The following EXTL3 variants were observed in gnomAD, a reference collection of about 807,000 sequenced individuals.
EXTL3 encodes the protein exostosin-like 3.
In EXTL3, 27 loss-of-function variants were observed where a neutral mutation model predicts 69.3. The observed-to-expected ratio is 0.39, with a 90% CI of 0.29 to 0.54. The LOEUF (loss-of-function observed/expected upper bound fraction) is 0.54, where lower values mean the gene tolerates loss of function less well. Ranked by LOEUF, EXTL3 falls within the 20% of genes least tolerant of loss-of-function variation. The pLI is 0.69. For synonymous variants in EXTL3, 511 were observed against 499.4 expected (o/e 1.02, Z -0.31); for missense variants, 1,003 against 1,231.8 (o/e 0.81, Z 2.78).
chr8:28,668,053 A>G (rs1414032097), intron 1 of EXTL3, among the ~76,000 whole-genome samples: 1 of 151,926 alleles, frequency 6.6e-6, no homozygotes, highest in Admixed American at 6.6e-5. Flanking sequence ...TCTTGAGTCC[A>G]GGAGTTCAAG....
At position 28,648,642 on chromosome 8, in the gene EXTL3, C is replaced by T. The variant is rs576085361; in HGVS notation, c.-53+25832C>T. 7.2e-5 allele frequency among the ~76,000 whole-genome samples: 11 copies of T among 152,260 alleles called. No individual in the cohort carries two copies. The East Asian group carries it at 2.1e-3, about 29-fold the overall frequency. On this transcript the variant is annotated intron_variant, in intron 1 of 6. Coordinates refer to the EXTL3 transcript ENST00000523149. ...CTCTCCTCCCTCCCTCCCTCCCTTC[C>T]AGAGGCCACTACTGTCCTGAGTGAG...
Position 28,623,497 on chromosome 8 carries a change from C to A in EXTL3, c.-53+687C>A, listed in dbSNP as rs1487115507. On this transcript the variant is annotated intron_variant, in intron 1 of 6. Coordinates refer to the EXTL3 transcript ENST00000523149. This position sits in a 1 kb window ranked among gnomAD's most constrained non-coding sequence, Gnocchi z 4.2. ...GCTGAGTTTTGTTGGTGTTTGTCCT[C>A]AGCCTGTTTCTGGGTCACCCTGCAG... is the stretch of plus-strand genomic sequence containing the variant. Among the ~76,000 whole-genome samples the A allele has an allele frequency of 6.6e-6, 1 of 152,184 alleles. No individual in the cohort carries two copies. Among genetic ancestry groups the A allele is most frequent in the Non-Finnish European group, 1.5e-5 (1 of 68,030 alleles).
chr8:28,630,836 A>G (rs1406132190), intron 1 of EXTL3, among the ~76,000 whole-genome samples: 1 of 152,258 alleles, frequency 6.6e-6, no homozygotes, highest in African/African-American at 2.4e-5. Context: ...CTGGAAATGC[A>G]TACAGGAAAG....
At chr8:28,619,845 C>CTTTTTTTTT (rs56276866), upstream of EXTL3, among the ~76,000 whole-genome samples, 1 of 50,852 alleles carries the variant, frequency 2.0e-5, no homozygotes, top group Non-Finnish European at 3.8e-5. Flanking sequence ...GCTTCTGGTT[C>CTTTTTTTTT]TTTTTTTTTT....
chr8:28,728,708 A>G (rs1801466447), intron 3 of EXTL3, among the ~76,000 whole-genome samples: 4 of 152,144 alleles, frequency 2.6e-5, no homozygotes, highest in Non-Finnish European at 5.9e-5. Flanking sequence ...CTACATAGCC[A>G]GAACGTGTCT....
chr8:28,626,170 TAAA>T (rs57290264), intron 1 of EXTL3, among the ~76,000 whole-genome samples: 3 of 138,508 alleles, frequency 2.2e-5, no homozygotes, highest in Admixed American at 1.5e-4. Flanking sequence ...AGACCCTGTC[TAAA>T]AAAAAAAAAA....
At chr8:28,673,546 A>G (rs1433902110) in intron 1 of EXTL3, among the ~76,000 whole-genome samples, 1 of 152,156 alleles carries the variant, frequency 6.6e-6, no homozygotes, top group East Asian at 1.9e-4. Context: ...TTGGATGCAG[A>G]CTTAATTATA....
chr8:28,720,694 C>G (rs1437771652), intron 3 of EXTL3, among the ~76,000 whole-genome samples: 1 of 152,076 alleles, frequency 6.6e-6, no homozygotes, highest in Non-Finnish European at 1.5e-5. Flanking sequence ...ACAGGACTTG[C>G]AGAGAGATGG....
At chr8:28,704,154 G>C (rs1391429177) in intron 1 of EXTL3, among the ~76,000 whole-genome samples, 1 of 152,208 alleles carries the variant, frequency 6.6e-6, no homozygotes, top group Non-Finnish European at 1.5e-5. Flanking sequence ...AATAGAAGAG[G>C]ATTGGGGAGA....
intron 1 of EXTL3, among the ~76,000 whole-genome samples, chr8:28,627,488 C>CAAA (rs35382851): frequency 1.1e-5 from 1 of 92,970 alleles, no homozygotes; most frequent in Non-Finnish European, 2.2e-5. Context: ...GACCCTGTCT[C>CAAA]AAAAAAAAAA....
intron 4 of EXTL3, among the ~76,000 whole-genome samples, chr8:28,736,618 T>G (rs1038163942): frequency 2.0e-5 from 3 of 152,346 alleles, no homozygotes; most frequent in African/African-American, 7.2e-5. Flanking sequence ...TCAGCCCTGC[T>G]CAAATTTGGA....
chr8:28,701,871 GGCC>G (rs1434543471), intron 1 of EXTL3, among the ~76,000 whole-genome samples: 1 of 152,108 alleles, frequency 6.6e-6, no homozygotes, highest in Non-Finnish European at 1.5e-5. Context: ...CCCGGGGAGA[GGCC>G]GCCAGGCCCT....
chr8:28,734,147 G>A (rs1419154877), intron 4 of EXTL3, among the ~76,000 whole-genome samples: 2 of 152,120 alleles, frequency 1.3e-5, no homozygotes, highest in African/African-American at 4.8e-5. Context: ...CACGTTATAA[G>A]AGTTCTTTAT....
At chr8:28,692,717 T>C (rs1032122263) in intron 1 of EXTL3, among the ~76,000 whole-genome samples, 2 of 152,230 alleles carry the variant, frequency 1.3e-5, no homozygotes, top group African/African-American at 2.4e-5. Flanking sequence ...CAGTTTTCAG[T>C]TGGAACGCCT....
intron 5 of EXTL3, among the ~76,000 whole-genome samples, chr8:28,739,174 G>T (rs576470875): frequency 6.6e-6 from 1 of 151,992 alleles, no homozygotes; most frequent in African/African-American, 2.4e-5. Flanking sequence ...CATATCTCCC[G>T]TTTGTCCCTC....
intron 1 of EXTL3, among the ~76,000 whole-genome samples, chr8:28,712,099 G>C (rs968071030): frequency 6.6e-6 from 1 of 152,256 alleles, no homozygotes; most frequent in South Asian, 2.1e-4. Context: ...AGAGCATCGG[G>C]GGGTAAGAAA....
At chr8:28,643,606 G>A (rs1806781014) in intron 1 of EXTL3, among the ~76,000 whole-genome samples, 1 of 151,544 alleles carries the variant, frequency 6.6e-6, no homozygotes, top group Non-Finnish European at 1.5e-5. Context: ...TTTTAGTAGA[G>A]ATGGGGTTTC....
Position 28,716,167 on chromosome 8 carries a change from C to T in EXTL3, c.108C>T (p.Leu36=). Residue 36 remains leucine, a synonymous_variant, in exon 3 of 7, where the codon CTC becomes CTT. Transcript: ENST00000220562. This position sits in a 1 kb window ranked among gnomAD's most constrained non-coding sequence, Gnocchi z 7.1. Reference sequence around the variant, plus strand: ...GCCTCACGTGGCTCAGCTTCACGCTCTTTGTCATCCTGGTCTTCTTCCCGC... The same window carrying T: ...GCCTCACGTGGCTCAGCTTCACGCTTTTTGTCATCCTGGTCTTCTTCCCGC... ...RIRLTWLSFT[L]FVILVFFPLI... is the part of the protein sequence containing the mutation. The T allele has an allele frequency of 6.2e-7, 1 of 1,614,184 alleles. No individual in the cohort carries two copies. The highest frequency in any genetic ancestry group is 8.5e-7 in the Non-Finnish European group (1 of 1,180,048).
chr8:28,706,952 A>G (rs1800936068), intron 1 of EXTL3, among the ~76,000 whole-genome samples: 1 of 152,114 alleles, frequency 6.6e-6, no homozygotes, highest in South Asian at 2.1e-4. Flanking sequence ...GCTGTACTTG[A>G]GATGAGATTA....
Sources: gnomAD v4.1 joint callset for allele counts (sites outside exome capture counted in the v4.1 genomes callset) on GRCh38, gnomAD v4.1.1 for gene constraint, Gnocchi (gnomAD v3.1) non-coding constraint, MANE v1.5 for transcripts, NCBI Gene and HGNC (gene_info 2026-07-23, HGNC 2026-07-21) for gene names.